Variants in FOXP1 observed in about 807,000 individuals in gnomAD.
The protein encoded by FOXP1 is forkhead box P1.
In FOXP1, 15 loss-of-function variants were observed where a neutral mutation model predicts 98.2. The observed-to-expected ratio is 0.15, with a 90% CI of 0.10 to 0.24. The LOEUF is 0.24. Among genes scored for constraint, FOXP1 ranks in the 10% least tolerant of loss-of-function variants. The probability of loss-of-function intolerance (pLI) is 1.00; values close to 1 mark genes in which losing one functional copy is unlikely to be tolerated. For synonymous variants in FOXP1, 371 were observed against 314.5 expected, an observed-to-expected ratio of 1.18 and a Z score of -1.90; for missense variants, 633 against 848.5, an observed-to-expected ratio of 0.75 and a Z score of 3.15.
At chr3:71,565,447 T>TG (rs374552643) in intron 2 of FOXP1, among the ~76,000 whole-genome samples, 1,636 of 151,770 alleles carry the variant, frequency 0.011, 32 homozygotes, top group African/African-American at 0.036. Context: ...GTGGCAGTGA[T>TG]GGGGGGGGAG....
intron 6 of FOXP1, among the ~76,000 whole-genome samples, chr3:71,177,842 T>TTC (rs1373402217): frequency 2.3e-5 from 3 of 131,668 alleles, no homozygotes; most frequent in South Asian, 2.3e-4. Flanking sequence ...CTTTCTTTCT[T>TTC]TTTTTTTTTT....
chr3:71,582,079 G>C (rs1021755494), intron 1 of FOXP1: 1 of 983,324 alleles, frequency 1.0e-6, no homozygotes, highest in Non-Finnish European at 1.2e-6. Context: ...GCGCGGGAAT[G>C]GGGGGCTGCA....
intron 5 of FOXP1, among the ~76,000 whole-genome samples, chr3:71,267,732 G>C (rs960669069): frequency 1.3e-5 from 2 of 152,088 alleles, no homozygotes; most frequent in African/African-American, 4.8e-5. Flanking sequence ...AAATGTCTGT[G>C]TTGGGCCAGG....
At chr3:71,130,770 C>T (rs1295155713) in intron 6 of FOXP1, 1 of 1,440,652 alleles carries the variant, frequency 6.9e-7, no homozygotes. Flanking sequence ...ACAAGAATTC[C>T]TCAAGTAATT....
chr3:71,350,256 G>C (rs1002092222), intron 4 of FOXP1, among the ~76,000 whole-genome samples: 11 of 152,086 alleles, frequency 7.2e-5, no homozygotes, highest in African/African-American at 2.2e-4. Context: ...TGTTAATATA[G>C]GGTTTAATCC....
At chr3:71,315,356 C>T (rs970766653) in intron 4 of FOXP1, among the ~76,000 whole-genome samples, 10 of 151,994 alleles carry the variant, frequency 6.6e-5, no homozygotes, top group African/African-American at 1.4e-4. Context: ...AAATGGGAAG[C>T]GGTAGGTTCA....
intron 11 of FOXP1, among the ~76,000 whole-genome samples, chr3:71,029,205 C>T (rs551929936): frequency 2.0e-5 from 3 of 152,180 alleles, no homozygotes; most frequent in Non-Finnish European, 4.4e-5. Flanking sequence ...CTGAACATTT[C>T]ATGTAGTCTC....
intron 2 of FOXP1, among the ~76,000 whole-genome samples, chr3:71,529,032 T>A (rs1479419250): frequency 6.6e-6 from 1 of 152,236 alleles, no homozygotes; most frequent in Non-Finnish European, 1.5e-5. Context: ...ACTCTATCTA[T>A]AAGGCTCACC....
At chr3:71,440,283 A>T (rs2085801994) in intron 3 of FOXP1, among the ~76,000 whole-genome samples, 1 of 152,086 alleles carries the variant, frequency 6.6e-6, no homozygotes, top group Admixed American at 6.5e-5. Context: ...ATAACAAACA[A>T]GTCCAGGTGC....
At position 71,283,512 on chromosome 3, in the gene FOXP1, G is replaced by C. The variant is rs150314875; in HGVS notation, c.-12+16308C>G. Among the ~76,000 whole-genome samples, 46 of 152,340 alleles carry C rather than the reference G, an allele frequency of 3.0e-4. 1 individual carries two copies. Among genetic ancestry groups the C allele is most frequent in the African/African-American group, 1.1e-3 (45 of 41,564 alleles). On this transcript the variant is annotated intron_variant, in intron 5 of 20. Transcript: ENST00000649528. ...GAGAGGACAGGACCTACATGACGGT[G>C]TGTCCTCCATGTGACAGGGAGACTC... is the stretch of plus-strand genomic sequence containing the variant.
chr3:70,973,614 C>T (rs1019820641), intron 17 of FOXP1, among the ~76,000 whole-genome samples: 2 of 152,132 alleles, frequency 1.3e-5, no homozygotes, highest in Non-Finnish European at 2.9e-5. Context: ...TTCTTTAGTC[C>T]CGCCTGGTTA....
chr3:71,070,825 G>A (rs1241451420), intron 7 of FOXP1, among the ~76,000 whole-genome samples: 1 of 152,154 alleles, frequency 6.6e-6, no homozygotes. Flanking sequence ...TCTCCAAGAC[G>A]GGAAAATGAA....
At chr3:71,458,414 T>C (rs2087705339) in intron 3 of FOXP1, among the ~76,000 whole-genome samples, 2 of 152,326 alleles carry the variant, frequency 1.3e-5, no homozygotes, top group Non-Finnish European at 2.9e-5. Flanking sequence ...GAACTTTACA[T>C]ACTGTCAATT....
intron 5 of FOXP1, among the ~76,000 whole-genome samples, chr3:71,232,986 A>C (rs150399873): frequency 0.017 from 2,502 of 150,928 alleles, 30 homozygotes; most frequent in Middle Eastern, 0.034. Context: ...ACTACTACTA[A>C]TAATAATAAA....
intron 11 of FOXP1, among the ~76,000 whole-genome samples, chr3:71,032,490 T>C (rs1576314187): frequency 6.6e-6 from 1 of 152,346 alleles, no homozygotes; most frequent in East Asian, 1.9e-4. Flanking sequence ...GAGCTTCCAC[T>C]ATTGTTTTAA....
At chr3:71,023,543 T>G (rs1262033557) in intron 11 of FOXP1, among the ~76,000 whole-genome samples, 1 of 152,224 alleles carries the variant, frequency 6.6e-6, no homozygotes, top group African/African-American at 2.4e-5. Context: ...TCAGATTTAT[T>G]TGCTGATTCT....
At chr3:71,161,260 G>C (rs1297096662) in intron 6 of FOXP1, among the ~76,000 whole-genome samples, 1 of 152,168 alleles carries the variant, frequency 6.6e-6, no homozygotes, top group Admixed American at 6.5e-5. Flanking sequence ...GATTGGCTGG[G>C]CTCAGCTAGG....
At chr3:71,310,978 T>G (rs1379591444) in intron 4 of FOXP1, among the ~76,000 whole-genome samples, 1 of 152,230 alleles carries the variant, frequency 6.6e-6, no homozygotes, top group African/African-American at 2.4e-5. Context: ...AGGCAACAGA[T>G]AAGTCGTATT....
chr3:71,476,309 T>TTTTG (rs1553895598), intron 3 of FOXP1, among the ~76,000 whole-genome samples: 11 of 151,614 alleles, frequency 7.3e-5, no homozygotes, highest in African/African-American at 1.7e-4. Context: ...CTTTTTTTTT[T>TTTTG]TTTTGTTTTG....
Sources: allele counts gnomAD v4.1 joint callset (sites outside exome capture counted in the v4.1 genomes callset), GRCh38; gene constraint gnomAD v4.1.1; transcripts MANE v1.5; gene names NCBI Gene and HGNC (gene_info 2026-07-23, HGNC 2026-07-21).